Variants in CACNA2D3 observed in about 807,000 individuals in gnomAD.
CACNA2D3 encodes the protein voltage-dependent calcium channel subunit alpha-2/delta-3.
CACNA2D3 carries 60 observed loss-of-function variants against 160.6 expected under a neutral mutation model. The observed-to-expected ratio is 0.37, with a 90% CI of 0.30 to 0.46. The LOEUF is 0.46. Ranked by LOEUF, CACNA2D3 falls within the 20% of genes least tolerant of loss-of-function variation. The pLI is 1.00. For missense variants in CACNA2D3, 1,205 were observed against 1,365.0 expected, an observed-to-expected ratio of 0.88 and a Z score of 1.85; for synonymous variants, 558 against 492.9, an observed-to-expected ratio of 1.13 and a Z score of -1.75.
At chr3:54,216,838 A>G (rs968629268) in intron 2 of CACNA2D3, among the ~76,000 whole-genome samples, 2 of 152,212 alleles carry the variant, frequency 1.3e-5, no homozygotes, top group African/African-American at 4.8e-5. Context: ...CTTATTTTTT[A>G]GAGCACCTGC....
Position 54,858,562 on chromosome 3 carries a change from T to G in CACNA2D3, c.1626+12095T>G, listed in dbSNP as rs948048052. Among the ~76,000 whole-genome samples, 5 of 152,286 alleles carry G rather than the reference T, an allele frequency of 3.3e-5. No individual in the cohort carries two copies. The East Asian group carries it at 5.8e-4, about 18-fold the overall frequency. On this transcript the variant is annotated intron_variant, in intron 17 of 37. Transcript: ENST00000474759. ...TGAGAAGCAGGCATTGCATTAGAAC[T>G]TTCATAACTGCAAATTCCAGGAAAG...
At chr3:54,582,920 G>A (rs1426314156) in intron 9 of CACNA2D3, among the ~76,000 whole-genome samples, 1 of 152,128 alleles carries the variant, frequency 6.6e-6, no homozygotes, top group African/African-American at 2.4e-5. Context: ...GTTAATATCT[G>A]GGCTTCAGTT....
chr3:54,610,518 G>T (rs892212659), intron 9 of CACNA2D3, among the ~76,000 whole-genome samples: 34 of 152,010 alleles, frequency 2.2e-4, no homozygotes, highest in African/African-American at 8.0e-4. Context: ...GGGTGTTAAT[G>T]CAGGTTTGTT....
At chr3:55,027,807 G>C (rs1020954241) in intron 35 of CACNA2D3, among the ~76,000 whole-genome samples, 2 of 152,134 alleles carry the variant, frequency 1.3e-5, no homozygotes, top group Non-Finnish European at 2.9e-5. Context: ...ATACAGAACC[G>C]TGTCCATTAC....
chr3:54,362,333 T>C (rs1409156154), intron 3 of CACNA2D3, among the ~76,000 whole-genome samples: 1 of 152,206 alleles, frequency 6.6e-6, no homozygotes, highest in East Asian at 1.9e-4. Context: ...TCTTGCTGGC[T>C]TTTGGCCAGG....
intron 27 of CACNA2D3, among the ~76,000 whole-genome samples, chr3:54,906,178 A>C (rs1559624374): frequency 6.6e-6 from 1 of 152,074 alleles, no homozygotes; most frequent in African/African-American, 2.4e-5. Flanking sequence ...GCAGATACAC[A>C]CAAGTATTGC....
intron 4 of CACNA2D3, among the ~76,000 whole-genome samples, chr3:54,427,579 T>G (rs1410700433): frequency 6.6e-6 from 1 of 152,174 alleles, no homozygotes; most frequent in Non-Finnish European, 1.5e-5. Flanking sequence ...TAAATGTAAA[T>G]TTAACTGTGC....
intron 4 of CACNA2D3, among the ~76,000 whole-genome samples, chr3:54,419,386 C>G (rs1220539653): frequency 1.3e-5 from 2 of 152,212 alleles, no homozygotes; most frequent in Admixed American, 6.5e-5. Flanking sequence ...GGCCAGCTGA[C>G]TGCTCAGTTT....
At chr3:54,764,378 G>C in intron 13 of CACNA2D3, 27 bp downstream of exon 13, 2 of 1,612,648 alleles carry the variant, frequency 1.2e-6, no homozygotes, top group Non-Finnish European at 1.7e-6. Flanking sequence ...CTGGGAAAGA[G>C]GCTAAGCTTT....
chr3:54,637,768 G>A (rs1699411068), intron 10 of CACNA2D3: 1 of 152,178 alleles, frequency 6.6e-6, no homozygotes, highest in South Asian at 2.1e-4. Flanking sequence ...AGTAAGCCAA[G>A]AAGGAGTCAG....
At chr3:54,633,770 A>G (rs913097143) in intron 10 of CACNA2D3, 5 of 152,186 alleles carry the variant, frequency 3.3e-5, no homozygotes, top group Non-Finnish European at 7.3e-5. Flanking sequence ...TCGTATTAAT[A>G]CACGTAGCCT....
intron 27 of CACNA2D3, among the ~76,000 whole-genome samples, chr3:54,926,941 A>G (rs1450614342): frequency 6.6e-6 from 1 of 152,230 alleles, no homozygotes. Flanking sequence ...GTCATTCACC[A>G]AAGTAGCTGT....
At chr3:54,468,741 G>C (rs1019732737) in intron 4 of CACNA2D3, among the ~76,000 whole-genome samples, 3 of 152,152 alleles carry the variant, frequency 2.0e-5, no homozygotes, top group Non-Finnish European at 4.4e-5. Context: ...AGCTTGGTGG[G>C]GGGAGGTGCG....
intron 14 of CACNA2D3, among the ~76,000 whole-genome samples, chr3:54,834,098 T>G (rs772308943): frequency 1.3e-5 from 2 of 152,252 alleles, no homozygotes; most frequent in African/African-American, 2.4e-5. Flanking sequence ...CTGAGTGAAG[T>G]TGATACTATA....
chr3:54,201,943 G>A lies in CACNA2D3; in HGVS notation c.204+78349G>A, dbSNP rs991980760. 2.0e-5 allele frequency among the ~76,000 whole-genome samples: 3 copies of A among 152,304 alleles called. No homozygotes were observed. The East Asian group carries it at 5.8e-4, about 29-fold the overall frequency. On this transcript the variant is annotated intron_variant, in intron 2 of 37. Transcript: ENST00000474759. The stretch of plus-strand genomic sequence containing the variant: ...CAAAAGAATTAATGAACAGTTTTCT[G>A]TTCATTAATGGGGTTGCCAGATTAA...
intron 35 of CACNA2D3, among the ~76,000 whole-genome samples, chr3:55,056,973 G>A (rs746979392): frequency 6.6e-6 from 1 of 152,174 alleles, no homozygotes; most frequent in Non-Finnish European, 1.5e-5. Context: ...CATGAAACAT[G>A]GTATTTGAGG....
intron 10 of CACNA2D3, chr3:54,637,623 G>T (rs1398929885): frequency 1.3e-5 from 2 of 151,998 alleles, no homozygotes; most frequent in Non-Finnish European, 2.9e-5. Context: ...TGAAAAGAAG[G>T]TAATGTGGAG....
intron 9 of CACNA2D3, among the ~76,000 whole-genome samples, chr3:54,615,465 A>G (rs1183921475): frequency 6.6e-6 from 1 of 152,208 alleles, no homozygotes; most frequent in Non-Finnish European, 1.5e-5. Context: ...CTTCATGACC[A>G]ACAAGTTATT....
At chr3:54,253,302 G>A (rs1014991267) in intron 2 of CACNA2D3, among the ~76,000 whole-genome samples, 1 of 152,002 alleles carries the variant, frequency 6.6e-6, no homozygotes, top group Non-Finnish European at 1.5e-5. Flanking sequence ...AGGTTTAATC[G>A]GCTTGTGCTT....
Sources: gnomAD v4.1 joint callset for allele counts (sites outside exome capture counted in the v4.1 genomes callset) on GRCh38, gnomAD v4.1.1 for gene constraint, MANE v1.5 for transcripts, NCBI Gene and HGNC (gene_info 2026-07-23, HGNC 2026-07-21) for gene names.